The following TEFM variants were observed in gnomAD, a reference collection of about 807,000 sequenced individuals.
The protein encoded by TEFM is transcription elongation factor, mitochondrial.
Under a neutral mutation model 23.0 loss-of-function variants are expected in TEFM, and 14 were observed. The ratio of observed to expected loss-of-function variants is 0.61; its 90% CI spans 0.40 to 0.95. TEFM has a LOEUF of 0.95. Among genes scored for constraint, TEFM ranks in the 40% least tolerant of loss-of-function variants. The pLI, the probability that TEFM is intolerant of heterozygous loss-of-function variation, is 0.00. For missense variants in TEFM, 386 were observed against 425.5 expected, an observed-to-expected ratio of 0.91 and a Z score of 0.82; for synonymous variants, 155 against 158.3, an observed-to-expected ratio of 0.98 and a Z score of 0.16.
Position 30,899,145 on chromosome 17 carries a change from C to T in TEFM, c.*24G>A. On this transcript the variant is annotated 3_prime_UTR_variant, in exon 4 of 4. Coordinates refer to ENST00000581216, the MANE Select transcript of TEFM (RefSeq NM_024683.4). ...TGTTACGTTAGAGCTAATAATTATACTTTAGCACGTTAACCTCAGAATTCT... is the reference window on the plus strand; with the variant it reads ...TGTTACGTTAGAGCTAATAATTATATTTTAGCACGTTAACCTCAGAATTCT... The T allele has an allele frequency of 6.5e-7, 1 of 1,534,972 alleles. No individual in the cohort carries two copies.
chr17:30,905,520 CAA>C (rs35702969), intron 1 of TEFM, among the ~76,000 whole-genome samples: 14 of 86,560 alleles, frequency 1.6e-4, no homozygotes, highest in Non-Finnish European at 1.5e-4. Context: ...AACTCCGTCT[CAA>C]AAAAAAAAAA....
intron 3 of TEFM, 101 bp from the exon 4 acceptor site, chr17:30,899,707 T>A: frequency 1.3e-6 from 1 of 799,922 alleles, no homozygotes; most frequent in Non-Finnish European, 1.8e-6. Flanking sequence ...TTATAATTAG[T>A]TAATTTATAC....
Position 30,899,105 on chromosome 17 carries a change from G to A in TEFM, c.*64C>T. 1 of 1,339,488 alleles carries A rather than the reference G, an allele frequency of 7.5e-7. No homozygotes were observed. 83.0% of individuals were successfully genotyped at this position (1,339,488 alleles called of 1,614,324 possible). Reference sequence around the variant, plus strand: ...TGTGTTCTTTTCCAATAACATGGATGTTCACAACAGTTGGTGTTACGTTAG... The same window carrying A: ...TGTGTTCTTTTCCAATAACATGGATATTCACAACAGTTGGTGTTACGTTAG... On this transcript the variant is annotated 3_prime_UTR_variant, in exon 4 of 4. Transcript: ENST00000581216.
rs1434941763 is a variant in TEFM at position 30,904,486 on chromosome 17, G to A, written c.75C>T (p.Tyr25=). Residue 25 remains tyrosine (Y), a synonymous_variant, in exon 2 of 4, where the codon TAC becomes TAT. Coordinates refer to ENST00000581216, the MANE Select transcript of TEFM (RefSeq NM_024683.4). Reference sequence around the variant, plus strand: ...GACAGCAGAAATTATGTAAGGCCCAGTACAGGGATGACCTCGACGGGGTCA... The same window carrying A: ...GACAGCAGAAATTATGTAAGGCCCAATACAGGGATGACCTCGACGGGGTCA... The part of the protein sequence containing the change: ...CFLTPSRSSL[Y]WALHNFCCRK... The A allele has an allele frequency of 6.2e-7, 1 of 1,613,576 alleles. No individual in the cohort carries two copies. The highest frequency in any genetic ancestry group is 1.1e-5 in the South Asian group (1 of 91,036).
intron 3 of TEFM, 172 bp from the exon 4 acceptor site, chr17:30,899,778 T>C (rs1169483235): frequency 4.4e-6 from 2 of 457,672 alleles, no homozygotes; most frequent in Admixed American, 3.9e-5. Flanking sequence ...GTTCTGGTCA[T>C]GGTTATGTCA....
intron 2 of TEFM, among the ~76,000 whole-genome samples, chr17:30,901,909 G>A (rs1006860945): frequency 1.6e-4 from 24 of 152,296 alleles, no homozygotes; most frequent in Admixed American, 1.0e-3. Context: ...TAGGTTTAAC[G>A]AGGAGTCTAG....
At chr17:30,904,650 A>T (rs533645968) in intron 1 of TEFM, 121 bp from the exon 2 acceptor site, 31 of 660,486 alleles carry the variant, frequency 4.7e-5, no homozygotes, top group Non-Finnish European at 7.9e-5. Context: ...GAACTAATAG[A>T]GGACAATATT....
chr17:30,900,288 AAGTG>A lies in TEFM; in HGVS notation c.645+121_645+124del, dbSNP rs1910008546. The A allele has an allele frequency of 5.4e-6, 5 of 927,922 alleles. No homozygotes were observed. In the Admixed American group the frequency reaches 8.1e-5, roughly 15 times the overall value. 57.5% of individuals were successfully genotyped at this position (927,922 alleles called of 1,614,324 possible). A position where few individuals can be genotyped will look rare whatever the true frequency, so the allele number is the denominator to read the frequency against. ...AGGTGATGGAAAACATAATAGGAAT[AAGTG>A]AGTAACAAGTACCAGAAGAAAACCC... On this transcript the variant is annotated intron_variant, in intron 3 of 3. Transcript: ENST00000581216.
chr17:30,903,865 C>T (rs1910099833), intron 2 of TEFM: 2 of 522,198 alleles, frequency 3.8e-6, no homozygotes, highest in Admixed American at 7.4e-5. Flanking sequence ...AAACTTTCCA[C>T]AACAGTCACA....
chr17:30,904,390 G>A lies in TEFM; in HGVS notation c.171C>T (p.Pro57=), dbSNP rs777997436. 5.6e-6 allele frequency: 9 copies of A among 1,613,950 alleles called. No homozygotes were observed. Among genetic ancestry groups the A allele is most frequent in the African/African-American group, 5.3e-5 (4 of 74,872 alleles). The change falls in exon 2 of 4, where the codon CCC becomes CCT. Residue 57 remains proline, a synonymous_variant. Transcript: ENST00000581216. The part of the protein sequence containing the change: ...VTFCDENAKE[P]ENALDKLFSS... ...AGAAGAGCTTGTCAAGTGCATTTTC[G>A]GGCTCCTTTGCATTTTCATCACAAA...
intron 2 of TEFM, among the ~76,000 whole-genome samples, chr17:30,902,391 CACACAAT>C (rs1188496992): frequency 6.6e-6 from 1 of 152,204 alleles, no homozygotes; most frequent in Non-Finnish European, 1.5e-5. Flanking sequence ...AACCAGACTA[CACACAAT>C]ACTTCGTCGG....
rs1475302768 is a variant in TEFM, at chr17:30,903,919, A to G, written c.495+147T>C. 3 of 651,876 alleles carry G rather than the reference A, an allele frequency of 4.6e-6. No homozygotes were observed. In the East Asian group the frequency reaches 8.3e-5, roughly 18 times the overall value. The allele number at this position is 651,876 out of a possible 1,614,324, so 40.4% of individuals were successfully genotyped here. A position where few individuals can be genotyped will look rare whatever the true frequency, so the allele number is the denominator to read the frequency against. ...TCTCAACTGCCAATTTACTATCTGT[A>G]CATCTCATTATTTGGTAGTGATCAT... is the stretch of plus-strand genomic sequence containing the variant. On this transcript the variant is annotated intron_variant, in intron 2 of 3. Transcript: ENST00000581216.
intron 1 of TEFM, among the ~76,000 whole-genome samples, chr17:30,904,825 C>T (rs548338751): frequency 8.6e-5 from 13 of 151,934 alleles, no homozygotes; most frequent in Admixed American, 7.9e-4. Context: ...ACTACAGGCG[C>T]CTGCCACCAC....
At chr17:30,900,361 A>G (rs1482202367) in intron 3 of TEFM, 52 bp downstream of exon 3, 1 of 1,566,578 alleles carries the variant, frequency 6.4e-7, no homozygotes, top group South Asian at 1.1e-5. Flanking sequence ...CAGAAGATTA[A>G]ACTACACAAG....
chr17:30,898,991 T>C lies in TEFM; in HGVS notation c.*178A>G, dbSNP rs1458934194. 2.9e-5 allele frequency: 17 copies of C among 587,964 alleles called. No homozygotes were observed. The highest frequency in any genetic ancestry group is 5.0e-5 in the Non-Finnish European group (17 of 341,072). 36.4% of individuals were successfully genotyped at this position (587,964 alleles called of 1,614,324 possible). On this transcript the variant is annotated 3_prime_UTR_variant, in exon 4 of 4. Coordinates refer to ENST00000581216, the MANE Select transcript of TEFM (RefSeq NM_024683.4). ...TTAACCTGAGAGGCACAGAATCTCA[T>C]AAAATGTTTATTGATTTGGTCTTGG...
chr17:30,899,210 T>G lies in TEFM; in HGVS notation c.1042A>C (p.Ile348Leu). Residue 348 changes from isoleucine to leucine, a missense_variant, in exon 4 of 4, where the codon ATT becomes CTT. Physicochemically the swap from Ile to Leu is conservative, Grantham distance 5 (BLOSUM62 2). Coordinates refer to ENST00000581216, the MANE Select transcript of TEFM (RefSeq NM_024683.4). ...EELYDSLLQA[I>L]AFYELAVFDS... The stretch of plus-strand genomic sequence containing the variant: ...AACACTGCTAATTCATAGAAGGCAA[T>G]AGCTTGTAATAATGAATCATAAAGC... The G allele has an allele frequency of 6.2e-7, 1 of 1,610,138 alleles. No homozygotes were observed.
chr17:30,905,337 A>G (rs1406022852), intron 1 of TEFM, among the ~76,000 whole-genome samples: 1 of 152,088 alleles, frequency 6.6e-6, no homozygotes, highest in Non-Finnish European at 1.5e-5. Context: ...CCTGACCAAC[A>G]TGGAGAAACC....
intron 3 of TEFM, 88 bp from the exon 4 acceptor site, chr17:30,899,694 A>T (rs1909996973): frequency 6.8e-6 from 6 of 878,126 alleles, no homozygotes; most frequent in Non-Finnish European, 9.7e-6. Context: ...CTATTTAAAA[A>T]TATTATAATT....
intron 1 of TEFM, among the ~76,000 whole-genome samples, chr17:30,905,611 G>A (rs1419241818): frequency 6.6e-6 from 1 of 151,778 alleles, no homozygotes; most frequent in Non-Finnish European, 1.5e-5. Context: ...AATTTTGTAC[G>A]TTTATAAGAA....
Sources: gnomAD v4.1 joint callset for allele counts (sites outside exome capture counted in the v4.1 genomes callset) on GRCh38, gnomAD v4.1.1 for gene constraint, MANE v1.5 for transcripts, NCBI Gene and HGNC (gene_info 2026-07-23, HGNC 2026-07-21) for gene names.